ZHX3: variants seen among roughly 807,000 people sequenced by gnomAD.
The protein encoded by ZHX3 is zinc fingers and homeoboxes protein 3.
ZHX3 carries 20 observed loss-of-function variants against 64.5 expected under a neutral mutation model. That is an observed-to-expected ratio of 0.31 (90% CI 0.22 to 0.45). ZHX3 has a LOEUF of 0.45. ZHX3 is among the 20% of genes least tolerant of loss of function. ZHX3 has a pLI of 1.00. For synonymous variants in ZHX3, 423 were observed against 461.6 expected, an observed-to-expected ratio of 0.92 and a Z score of 1.07; for missense variants, 1,041 against 1,195.8, an observed-to-expected ratio of 0.87 and a Z score of 1.91.
chr20:41,225,286 G>A (rs920099641), intron 2 of ZHX3, among the ~76,000 whole-genome samples: 1 of 152,136 alleles, frequency 6.6e-6, no homozygotes, highest in Non-Finnish European at 1.5e-5. Context: ...CTGATATACA[G>A]GAAACACTCA....
At chr20:41,263,425 C>T (rs578063232) in intron 2 of ZHX3, among the ~76,000 whole-genome samples, 6 of 148,358 alleles carry the variant, frequency 4.0e-5, no homozygotes, top group Middle Eastern at 3.4e-3. Context: ...GATGGAGTCT[C>T]GCTCTGTTGC....
chr20:41,276,242 A>G (rs1051184208), intron 1 of ZHX3, among the ~76,000 whole-genome samples: 1 of 148,384 alleles, frequency 6.7e-6, no homozygotes, highest in Non-Finnish European at 1.5e-5. Flanking sequence ...CCCACCCTTA[A>G]AAGTCTGTTT....
intron 1 of ZHX3, among the ~76,000 whole-genome samples, chr20:41,301,168 G>C (rs1352909236): frequency 8.5e-5 from 13 of 152,122 alleles, no homozygotes; most frequent in African/African-American, 3.1e-4. Flanking sequence ...GGATCAAATT[G>C]TATTTTCCAG....
chr20:41,313,286 A>G (rs1265366453), intron 1 of ZHX3, among the ~76,000 whole-genome samples: 1 of 152,156 alleles, frequency 6.6e-6, no homozygotes, highest in Non-Finnish European at 1.5e-5. Flanking sequence ...TCACTGGGAC[A>G]GGAAGGTGGT....
chr20:41,221,834 T>C (rs143555352), intron 2 of ZHX3, among the ~76,000 whole-genome samples: 4 of 152,332 alleles, frequency 2.6e-5, no homozygotes, highest in Non-Finnish European at 5.9e-5. Flanking sequence ...GGTGAGAATG[T>C]GCCTGACATG....
chr20:41,312,041 T>G (rs182373246), intron 1 of ZHX3, among the ~76,000 whole-genome samples: 5 of 152,052 alleles, frequency 3.3e-5, no homozygotes, highest in African/African-American at 9.7e-5. Flanking sequence ...GAAGGAAACA[T>G]ATAAATGAAG....
chr20:41,266,285 A>T (rs896840432), intron 2 of ZHX3, among the ~76,000 whole-genome samples: 5 of 152,154 alleles, frequency 3.3e-5, no homozygotes, highest in Middle Eastern at 3.2e-3. Flanking sequence ...GTTAGTCAAG[A>T]TGGCTCAGTG....
chr20:41,185,128 G>T lies in ZHX3; in HGVS notation c.*63C>A. 6.3e-7 allele frequency: 1 copy of T among 1,588,384 alleles called. No homozygotes were observed. On this transcript the variant is annotated 3_prime_UTR_variant, in exon 4 of 4. Transcript: ENST00000683867. The surrounding 1 kb of genome is among the most constrained non-coding windows in gnomAD (Gnocchi z 5.0). ...CATGTGGCAGCAGAGAGTCGGGTTT[G>T]GCTCTTCCACGTGGCAGGCGGTTTC... is the stretch of plus-strand genomic sequence containing the variant.
chr20:41,198,185 A>C (rs552907480), intron 3 of ZHX3, among the ~76,000 whole-genome samples: 158 of 151,930 alleles, frequency 1.0e-3, no homozygotes, highest in African/African-American at 3.6e-3. Flanking sequence ...TTTTGTAGAG[A>C]TGGGTTTTCA....
rs2146098965 is a variant in ZHX3, at chr20:41,185,248, C to G, written c.2861-47G>C. The G allele has an allele frequency of 3.8e-6, 6 of 1,563,996 alleles. No individual in the cohort carries two copies. The South Asian group carries it at 7.3e-5, about 19-fold the overall frequency. ...GTCACTCTACGGCAGCTGCCACCACCTGCCCCCCAGGCAGCCTGGTCCTTG... is the reference window on the plus strand; with the variant it reads ...GTCACTCTACGGCAGCTGCCACCACGTGCCCCCCAGGCAGCCTGGTCCTTG... On this transcript the variant is annotated intron_variant, in intron 3 of 3. Transcript: ENST00000683867. This position sits in a 1 kb window ranked among gnomAD's most constrained non-coding sequence, Gnocchi z 5.0.
intron 1 of ZHX3, among the ~76,000 whole-genome samples, chr20:41,280,802 C>T (rs2043640356): frequency 6.6e-6 from 1 of 151,524 alleles, no homozygotes; most frequent in Non-Finnish European, 1.5e-5. Flanking sequence ...GAAGATCAAA[C>T]TGATGAATTC....
chr20:41,235,068 G>A (rs1256720277), intron 2 of ZHX3, among the ~76,000 whole-genome samples: 2 of 152,286 alleles, frequency 1.3e-5, no homozygotes, highest in East Asian at 1.9e-4. Context: ...TCTTTTCCAT[G>A]AGAGACAGTT....
In ZHX3 at chr20:41,228,721, G is replaced by A. The variant is rs936141103; in HGVS notation, c.-150-23655C>T. On this transcript the variant is annotated intron_variant, in intron 2 of 3. Transcript: ENST00000683867. The surrounding 1 kb of genome is among the most constrained non-coding windows in gnomAD (Gnocchi z 4.6). ...ACATTAGGGATTAAAATTTCAACAC[G>A]TGAATTTTAGGAGATACATTCAGTC... 6.6e-6 allele frequency among the ~76,000 whole-genome samples: 1 copy of A among 152,114 alleles called. No individual in the cohort carries two copies. Among genetic ancestry groups the A allele is most frequent in the South Asian group, 2.1e-4 (1 of 4,816 alleles).
intron 2 of ZHX3, among the ~76,000 whole-genome samples, chr20:41,235,416 A>T (rs1405890766): frequency 6.6e-6 from 1 of 152,218 alleles, no homozygotes; most frequent in Non-Finnish European, 1.5e-5. Context: ...CAAAAAGCTT[A>T]TCTACCATGA....
chr20:41,220,195 C>A (rs1435043723), intron 2 of ZHX3, among the ~76,000 whole-genome samples: 1 of 152,226 alleles, frequency 6.6e-6, no homozygotes, highest in African/African-American at 2.4e-5. Context: ...CTACCCACCT[C>A]TGTCTTCCGG....
Position 41,252,160 on chromosome 20 carries a change from C to A in ZHX3, c.-151+16830G>T, listed in dbSNP as rs530175753. Among the ~76,000 whole-genome samples, 439 of 152,280 alleles carry A rather than the reference C, an allele frequency of 2.9e-3. 3 individuals are homozygous for A. The highest frequency in any genetic ancestry group is 4.7e-3 in the Non-Finnish European group (319 of 68,026). On this transcript the variant is annotated intron_variant, in intron 2 of 3. Coordinates refer to ENST00000683867, the MANE Select transcript of ZHX3 (RefSeq NM_001384317.1). Reference sequence around the variant, plus strand: ...TATACCTGCCTTACCCTCCAAAAGACCAGAGGCACAGGGCAGAAGGCCTGA... The same window carrying A: ...TATACCTGCCTTACCCTCCAAAAGAACAGAGGCACAGGGCAGAAGGCCTGA...
rs535887468 is a variant in ZHX3, at chr20:41,245,623, C to T, written c.-151+23367G>A. On this transcript the variant is annotated intron_variant, in intron 2 of 3. Transcript: ENST00000683867. ...GCCTCTCCTGCTCTGCTCCTATGCT[C>T]AGCAGCCACTAGAGGAAAGCAGGGC... Among the ~76,000 whole-genome samples, 12 of 152,364 alleles carry T rather than the reference C, an allele frequency of 7.9e-5. No homozygotes were observed. In the South Asian group the frequency reaches 2.5e-3, roughly 32 times the overall value.
rs1249512901 is a variant in ZHX3, at chr20:41,181,546, A to G, written c.*3645T>C. ...TGAGGATATTGGTCCAAAAAGAGAC[A>G]AGAGACCACGAGGCTCAAGCAGAGA... On this transcript the variant is annotated 3_prime_UTR_variant, in exon 4 of 4. Coordinates refer to ENST00000683867, the MANE Select transcript of ZHX3 (RefSeq NM_001384317.1). 6.6e-6 allele frequency: 1 copy of G among 152,178 alleles called. No individual in the cohort carries two copies. Among genetic ancestry groups the G allele is most frequent in the African/African-American group, 2.4e-5 (1 of 41,430 alleles). 9.4% of individuals were successfully genotyped at this position (152,178 alleles called of 1,614,324 possible).
chr20:41,197,452 C>A (rs2146199458), intron 3 of ZHX3, among the ~76,000 whole-genome samples: 1 of 147,796 alleles, frequency 6.8e-6, no homozygotes, highest in South Asian at 2.1e-4. Context: ...CCAGAAAAAA[C>A]AGATTATTTT....
Sources: allele counts gnomAD v4.1 joint callset (sites outside exome capture counted in the v4.1 genomes callset), GRCh38; gene constraint gnomAD v4.1.1; non-coding constraint Gnocchi (gnomAD v3.1); transcripts MANE v1.5; gene names NCBI Gene and HGNC (gene_info 2026-07-23, HGNC 2026-07-21).